The following HELZ variants were observed in gnomAD, a reference collection of about 807,000 sequenced individuals.
The protein encoded by HELZ is helicase with zinc finger, also known as ATP-dependent RNA helicase with zinc finger domain.
A neutral mutation model predicts 218.2 loss-of-function variants in HELZ; 23 were observed. The observed-to-expected ratio is 0.11, with a 90% CI of 0.08 to 0.15. The LOEUF is 0.15. HELZ is among the 10% of genes least tolerant of loss of function. The pLI, the probability that HELZ is intolerant of heterozygous loss-of-function variation, is 1.00. For synonymous variants in HELZ, 814 were observed against 829.4 expected (o/e 0.98, Z 0.32); for missense variants, 1,813 against 2,353.7 (o/e 0.77, Z 4.75).
chr17:67,091,658 A>C (rs1215625493), intron 31 of HELZ, among the ~76,000 whole-genome samples: 1 of 152,198 alleles, frequency 6.6e-6, no homozygotes, highest in Non-Finnish European at 1.5e-5. Context: ...TATTATGTAC[A>C]TCTTTAAACA....
intron 17 of HELZ, among the ~76,000 whole-genome samples, chr17:67,152,786 CAACT>C (rs1317821220): frequency 2.4e-5 from 2 of 83,970 alleles, no homozygotes; most frequent in African/African-American, 9.3e-5. Context: ...AAAAAAAAAA[CAACT>C]AGTGGAAGGA....
intron 31 of HELZ, among the ~76,000 whole-genome samples, chr17:67,093,936 G>A (rs1233724267): frequency 1.3e-5 from 2 of 151,810 alleles, no homozygotes; most frequent in Non-Finnish European, 2.9e-5. Context: ...AACTATAGTA[G>A]ATTTATTTCT....
chr17:67,178,509 A>C (rs1193745688), intron 13 of HELZ, 150 bp downstream of exon 13: 4 of 651,854 alleles, frequency 6.1e-6, no homozygotes, highest in East Asian at 2.8e-5. Context: ...TTGCCTTAAG[A>C]AGCTCATATT....
intron 28 of HELZ, among the ~76,000 whole-genome samples, chr17:67,112,235 T>A (rs1342800014): frequency 1.3e-5 from 2 of 152,076 alleles, no homozygotes; most frequent in African/African-American, 2.4e-5. Context: ...AGCATCAGGG[T>A]GGGAGAGAAA....
intron 31 of HELZ, among the ~76,000 whole-genome samples, chr17:67,104,137 T>C (rs1371450686): frequency 6.6e-6 from 1 of 151,900 alleles, no homozygotes; most frequent in Non-Finnish European, 1.5e-5. Flanking sequence ...GGTAAAACTA[T>C]AAAACTATAA....
intron 13 of HELZ, among the ~76,000 whole-genome samples, chr17:67,178,445 GA>G (rs772741974): frequency 3.9e-4 from 59 of 152,290 alleles, no homozygotes; most frequent in Middle Eastern, 3.4e-3. Flanking sequence ...AGGTCTTATA[GA>G]AATGAACTAT....
intron 15 of HELZ, among the ~76,000 whole-genome samples, chr17:67,163,272 T>A (rs2039041359): frequency 6.6e-6 from 1 of 152,238 alleles, no homozygotes; most frequent in South Asian, 2.1e-4. Flanking sequence ...TAAAACATCC[T>A]TTCATCTTTC....
intron 3 of HELZ, among the ~76,000 whole-genome samples, chr17:67,229,563 C>T (rs1160650094): frequency 6.6e-6 from 1 of 152,134 alleles, no homozygotes; most frequent in Non-Finnish European, 1.5e-5. Flanking sequence ...ATCTTTATCC[C>T]CATGACAACC....
Position 67,075,385 on chromosome 17 carries a change from T to C in HELZ, c.*2867A>G, listed in dbSNP as rs2035990527. The C allele has an allele frequency of 6.6e-6, 1 of 152,216 alleles. No homozygotes were observed. The highest frequency in any genetic ancestry group is 1.5e-5 in the Non-Finnish European group (1 of 68,024). 9.4% of individuals were successfully genotyped at this position (152,216 alleles called of 1,614,324 possible). On this transcript the variant is annotated 3_prime_UTR_variant, in exon 33 of 33. Transcript: ENST00000358691. ...CTGAAGAAATGGAAGCTGGTAATAC[T>C]TGGTATTATCTGAGAGCTATCATCA...
intron 6 of HELZ, 82 bp downstream of exon 6, chr17:67,203,237 A>C: frequency 2.1e-6 from 3 of 1,403,832 alleles, no homozygotes; most frequent in Non-Finnish European, 2.9e-6. Flanking sequence ...AAAAAGATAC[A>C]CTTTTTTTTC....
At chr17:67,141,189 A>G (rs546234143) in intron 21 of HELZ, among the ~76,000 whole-genome samples, 1 of 152,208 alleles carries the variant, frequency 6.6e-6, no homozygotes, top group Non-Finnish European at 1.5e-5. Flanking sequence ...GTATAATAAC[A>G]TATTTCTTCT....
At chr17:67,225,323 T>TA (rs1170206137) in intron 3 of HELZ, 3 of 184,858 alleles carry the variant, frequency 1.6e-5, no homozygotes, top group Non-Finnish European at 2.3e-5. Context: ...CTTATCCAGT[T>TA]ACACTGTAAA....
chr17:67,082,020 C>A (rs1359462452), intron 32 of HELZ, among the ~76,000 whole-genome samples: 1 of 152,172 alleles, frequency 6.6e-6, no homozygotes, highest in Non-Finnish European at 1.5e-5. Flanking sequence ...CTGAGACCAT[C>A]ACATCTAGTG....
chr17:67,102,843 A>T (rs1463650751), intron 31 of HELZ, among the ~76,000 whole-genome samples: 1 of 152,212 alleles, frequency 6.6e-6, no homozygotes, highest in African/African-American at 2.4e-5. Flanking sequence ...TGCAAAAGTA[A>T]ATTTCACTCT....
Position 67,148,669 on chromosome 17 carries a change from G to C in HELZ, c.2521C>G (p.His841Asp). 6.2e-7 allele frequency: 1 copy of C among 1,613,602 alleles called. No individual in the cohort carries two copies. The highest frequency in any genetic ancestry group is 8.5e-7 in the Non-Finnish European group (1 of 1,179,602). Residue 841 changes from histidine to aspartate, a missense_variant, in exon 20 of 33, where the codon CAC becomes GAC. His to Asp is a moderately conservative substitution (Grantham distance 81). Transcript: ENST00000358691. Reference sequence around the variant, plus strand: ...TAGAGTCGGTCAAGTAATGAAACGTGAAGGTTTCTCTCCCTGGCAAACTCG... The same window carrying C: ...TAGAGTCGGTCAAGTAATGAAACGTCAAGGTTTCTCTCCCTGGCAAACTCG... The part of the protein sequence containing the change: ...YSEFARERNL[H>D]VSLLDRLYEH...
intron 13 of HELZ, among the ~76,000 whole-genome samples, chr17:67,173,664 G>A (rs1035550762): frequency 1.3e-5 from 2 of 152,200 alleles, no homozygotes; most frequent in Admixed American, 1.3e-4. Flanking sequence ...CAGAGCGACA[G>A]AACTGAGGTG....
At chr17:67,089,746 T>C (rs768411491) in intron 31 of HELZ, among the ~76,000 whole-genome samples, 7 of 138,576 alleles carry the variant, frequency 5.1e-5, no homozygotes, top group Non-Finnish European at 1.1e-4. Context: ...TTGATTGATT[T>C]TTGTGTGTTG....
intron 3 of HELZ, among the ~76,000 whole-genome samples, chr17:67,228,415 C>A (rs950289372): frequency 6.6e-6 from 1 of 152,118 alleles, no homozygotes; most frequent in Non-Finnish European, 1.5e-5. Context: ...AAAGTAAATA[C>A]ACTTTGGGAG....
intron 17 of HELZ, among the ~76,000 whole-genome samples, chr17:67,155,729 T>G (rs1251915295): frequency 6.6e-6 from 1 of 151,592 alleles, no homozygotes; most frequent in Non-Finnish European, 1.5e-5. Flanking sequence ...TCCAGCTACT[T>G]GGGAGGCTGA....
Sources: allele counts gnomAD v4.1 joint callset (sites outside exome capture counted in the v4.1 genomes callset), GRCh38; gene constraint gnomAD v4.1.1; transcripts MANE v1.5; gene names NCBI Gene and HGNC (gene_info 2026-07-23, HGNC 2026-07-21).